The following ATP11A variants were observed in gnomAD, a reference collection of about 807,000 sequenced individuals.
ATP11A encodes phospholipid-transporting ATPase IH.
A neutral mutation model predicts 154.4 loss-of-function variants in ATP11A; 81 were observed. The observed-to-expected ratio is 0.52, with a 90% CI of 0.44 to 0.63. The LOEUF is 0.63. ATP11A is among the 30% of genes least tolerant of loss of function. ATP11A has a pLI of 0.00. For missense variants in ATP11A, 1,316 were observed against 1,474.3 expected (o/e 0.89, Z 1.76); for synonymous variants, 623 against 585.9 (o/e 1.06, Z -0.91).
chr13:112,785,030 GTAC>G lies in ATP11A; in HGVS notation c.40-104_40-102del. 4.5e-6 allele frequency: 6 copies of G among 1,323,452 alleles called. No homozygotes were observed. The highest frequency in any genetic ancestry group is 3.9e-6 in the Non-Finnish European group (4 of 1,020,644). The allele number at this position is 1,323,452 out of a possible 1,614,324, so 82.0% of individuals were successfully genotyped here. Reference sequence around the variant, plus strand: ...CCCTGAACGATGCTCTCAGCAGCAGGTACAGGTCTCCGTTCCGACGAACGTGCC... The same window carrying G: ...CCCTGAACGATGCTCTCAGCAGCAGGAGGTCTCCGTTCCGACGAACGTGCC... On this transcript the variant is annotated intron_variant, in intron 1 of 29. Coordinates refer to ENST00000375645, the MANE Select transcript of ATP11A (RefSeq NM_015205.3). The surrounding 1 kb of genome is among the most constrained non-coding windows in gnomAD (Gnocchi z 4.8).
chr13:112,801,687 A>AC lies in ATP11A; in HGVS notation c.163-3263dup, dbSNP rs141440822. Among the ~76,000 whole-genome samples, 396 of 152,212 alleles carry AC rather than the reference A, an allele frequency of 2.6e-3. 1 individual carries two copies. Among genetic ancestry groups the AC allele is most frequent in the Non-Finnish European group, 2.8e-3 (189 of 68,010 alleles). ...TTGAAAACAACACTATTTACATTTA[A>AC]CCCCCCCACCCACCAAATTACACAG... On this transcript the variant is annotated intron_variant, in intron 2 of 29. Coordinates refer to ENST00000375645, the MANE Select transcript of ATP11A (RefSeq NM_015205.3).
chr13:112,700,188 G>A (rs1415258216), intron 1 of ATP11A, among the ~76,000 whole-genome samples: 2 of 152,098 alleles, frequency 1.3e-5, no homozygotes, highest in Admixed American at 6.5e-5. Flanking sequence ...TTATGCATTC[G>A]ACAAGGATGG....
At chr13:112,762,764 C>T (rs2076991745) in intron 1 of ATP11A, among the ~76,000 whole-genome samples, 1 of 152,208 alleles carries the variant, frequency 6.6e-6, no homozygotes, top group Admixed American at 6.5e-5. Flanking sequence ...AAACGTAAAA[C>T]ATCACAAACA....
chr13:112,765,010 C>T (rs758160446), intron 1 of ATP11A, among the ~76,000 whole-genome samples: 2 of 152,176 alleles, frequency 1.3e-5, no homozygotes, highest in Non-Finnish European at 2.9e-5. Flanking sequence ...TGGCAGCCTC[C>T]CCACCGCACG....
chr13:112,789,738 G>A (rs1213031190), intron 2 of ATP11A, among the ~76,000 whole-genome samples: 1 of 151,452 alleles, frequency 6.6e-6, no homozygotes, highest in African/African-American at 2.4e-5. Context: ...GTCCTGATGT[G>A]TAGACCCCTG....
At chr13:112,831,064 C>G (rs1033725306) in intron 12 of ATP11A, among the ~76,000 whole-genome samples, 2 of 152,140 alleles carry the variant, frequency 1.3e-5, no homozygotes, top group African/African-American at 4.8e-5. Flanking sequence ...GTCTCTGTCC[C>G]GGGGAATGGG....
chr13:112,691,566 G>C (rs1885204142), intron 1 of ATP11A, among the ~76,000 whole-genome samples: 1 of 151,612 alleles, frequency 6.6e-6, no homozygotes, highest in African/African-American at 2.4e-5. Context: ...TGCACAAGAG[G>C]CTTCATTGTT....
At chr13:112,740,833 GA>G (rs1481022216) in intron 1 of ATP11A, among the ~76,000 whole-genome samples, 1 of 152,244 alleles carries the variant, frequency 6.6e-6, no homozygotes, top group Non-Finnish European at 1.5e-5. Context: ...TTTTGTTGCA[GA>G]AGGCGCTCGC....
intron 5 of ATP11A, among the ~76,000 whole-genome samples, 175 bp downstream of exon 5, chr13:112,810,901 A>G (rs2078475083): frequency 1.3e-5 from 2 of 152,154 alleles, no homozygotes; most frequent in African/African-American, 4.8e-5. Context: ...GTGCCTGTGA[A>G]TAGCCACTGC....
At chr13:112,864,234 C>CA (rs2080234728) in intron 25 of ATP11A, among the ~76,000 whole-genome samples, 1 of 108,632 alleles carries the variant, frequency 9.2e-6, no homozygotes. Context: ...TAATTCAGTG[C>CA]GGCCCATGCA....
chr13:112,804,816 CTAAAT>C (rs1391130446), intron 2 of ATP11A, 136 bp from the exon 3 acceptor site: 8 of 513,798 alleles, frequency 1.6e-5, no homozygotes, highest in Non-Finnish European at 2.7e-5. Context: ...AACAAACACT[CTAAAT>C]TATGAATTAT....
rs1429991218 is a variant in ATP11A at position 112,690,372 on chromosome 13, G to T, written c.-45G>T. ...CGGAGCCCATGGGCGCGCCGAGCCG[G>T]GCGCGGGGGCGCTGAACGGCGGAGC... On this transcript the variant is annotated 5_prime_UTR_variant, in exon 1 of 30. Coordinates refer to ENST00000375645, the MANE Select transcript of ATP11A (RefSeq NM_015205.3). This position sits in a 1 kb window ranked among gnomAD's most constrained non-coding sequence, Gnocchi z 5.6. The T allele has an allele frequency of 8.0e-7, 1 of 1,253,212 alleles. No individual in the cohort carries two copies. The highest frequency in any genetic ancestry group is 3.1e-5 in the East Asian group (1 of 32,480). 77.6% of individuals were successfully genotyped at this position (1,253,212 alleles called of 1,614,324 possible).
chr13:112,817,186 C>G (rs2078668857), intron 6 of ATP11A, among the ~76,000 whole-genome samples: 1 of 152,192 alleles, frequency 6.6e-6, no homozygotes. Context: ...GTGAGCATAG[C>G]TCAGTGGATT....
At chr13:112,708,115 G>T (rs1245637148) in intron 1 of ATP11A, among the ~76,000 whole-genome samples, 2 of 151,510 alleles carry the variant, frequency 1.3e-5, no homozygotes, top group Non-Finnish European at 2.9e-5. Flanking sequence ...ATATTCACCT[G>T]ACCTCTCACC....
In ATP11A at chr13:112,884,944, A is replaced by G. The variant is rs1405763660; in HGVS notation, c.*3078A>G. On this transcript the variant is annotated 3_prime_UTR_variant, in exon 30 of 30. Transcript: ENST00000375645. ...TTACCTGGCTTTTGGCTCCACGCTC[A>G]CTCATAGCCATGTCCACATGGGGGC... 2.6e-5 allele frequency: 4 copies of G among 152,362 alleles called. No homozygotes were observed. Among genetic ancestry groups the G allele is most frequent in the Admixed American group, 6.5e-5 (1 of 15,280 alleles). 9.4% of individuals were successfully genotyped at this position (152,362 alleles called of 1,614,324 possible).
chr13:112,769,075 G>A (rs947507346), intron 1 of ATP11A, among the ~76,000 whole-genome samples: 58 of 152,142 alleles, frequency 3.8e-4, no homozygotes, highest in Admixed American at 1.3e-4. Flanking sequence ...TGCTATGGGG[G>A]GAAGGTTTGC....
At chr13:112,822,095 A>G (rs1391648176) in intron 8 of ATP11A, among the ~76,000 whole-genome samples, 2 of 152,214 alleles carry the variant, frequency 1.3e-5, no homozygotes, top group Non-Finnish European at 2.9e-5. Flanking sequence ...TAGGTTCTTA[A>G]TTTTCCATGA....
intron 1 of ATP11A, among the ~76,000 whole-genome samples, chr13:112,707,142 G>A (rs189709511): frequency 2.0e-5 from 3 of 152,290 alleles, no homozygotes; most frequent in East Asian, 1.9e-4. Context: ...CAGGCTGGGC[G>A]TGGTGGCTCA....
intron 8 of ATP11A, among the ~76,000 whole-genome samples, chr13:112,822,380 C>T (rs1242624322): frequency 1.3e-5 from 2 of 152,300 alleles, no homozygotes; most frequent in Middle Eastern, 6.8e-3. Context: ...CTTGTTCTTC[C>T]ATGTGTGAGA....
Sources: allele counts gnomAD v4.1 joint callset (sites outside exome capture counted in the v4.1 genomes callset), GRCh38; gene constraint gnomAD v4.1.1; non-coding constraint Gnocchi (gnomAD v3.1); transcripts MANE v1.5; gene names NCBI Gene and HGNC (gene_info 2026-07-23, HGNC 2026-07-21).